Variants in CADM2 observed in about 807,000 individuals in gnomAD.
CADM2 encodes the protein cell adhesion molecule 2, also known as immunoglobulin superfamily member 4D.
In CADM2, 12 loss-of-function variants were observed where a neutral mutation model predicts 49.8. The observed-to-expected ratio is 0.24, with a 90% CI of 0.15 to 0.39. CADM2 has a LOEUF of 0.39. CADM2 is among the 10% of genes least tolerant of loss of function. The pLI is 1.00. For missense variants in CADM2, 378 were observed against 492.3 expected, an observed-to-expected ratio of 0.77 and a Z score of 2.20; for synonymous variants, 214 against 175.4, an observed-to-expected ratio of 1.22 and a Z score of -1.74.
chr3:85,044,693 C>A (rs967663029), intron 1 of CADM2, among the ~76,000 whole-genome samples: 1 of 151,886 alleles, frequency 6.6e-6, no homozygotes, highest in African/African-American at 2.4e-5. Context: ...AGTCAGTTGC[C>A]AAGAAAAAAC....
chr3:84,973,270 C>G (rs1390528078), intron 1 of CADM2, among the ~76,000 whole-genome samples: 1 of 152,144 alleles, frequency 6.6e-6, no homozygotes, highest in Non-Finnish European at 1.5e-5. Context: ...TATCTTTCAA[C>G]AGCAACAGAA....
At chr3:85,320,632 A>C (rs1007609563) in intron 1 of CADM2, among the ~76,000 whole-genome samples, 1 of 152,188 alleles carries the variant, frequency 6.6e-6, no homozygotes, top group African/African-American at 2.4e-5. Context: ...ATTTATATTG[A>C]GACAAAAATA....
At chr3:85,365,317 T>G (rs180772972) in intron 1 of CADM2, among the ~76,000 whole-genome samples, 52 of 151,380 alleles carry the variant, frequency 3.4e-4, no homozygotes, top group Non-Finnish European at 6.9e-4. Flanking sequence ...TTTGCCACCC[T>G]GACTGATACA....
chr3:85,569,269 A>G (rs1375554), intron 1 of CADM2, among the ~76,000 whole-genome samples: 78,018 of 151,876 alleles, frequency 0.51, 23,065 homozygotes, highest in East Asian at 0.85. Flanking sequence ...AAATTGTTGC[A>G]CCTATCAGCG....
intron 3 of CADM2, among the ~76,000 whole-genome samples, chr3:85,881,523 A>G (rs1055521984): frequency 1.3e-5 from 2 of 152,170 alleles, no homozygotes; most frequent in Non-Finnish European, 2.9e-5. Flanking sequence ...TCTAAGAAGC[A>G]GTTGCCCTGT....
chr3:85,328,825 G>A (rs2044828011), intron 1 of CADM2, among the ~76,000 whole-genome samples: 1 of 151,172 alleles, frequency 6.6e-6, no homozygotes, highest in African/African-American at 2.4e-5. Context: ...TATCTAAACT[G>A]GTACAAAATA....
At chr3:85,118,857 C>A (rs2107585862) in intron 1 of CADM2, among the ~76,000 whole-genome samples, 1 of 152,290 alleles carries the variant, frequency 6.6e-6, no homozygotes, top group South Asian at 2.1e-4. Context: ...TCAAGCGATT[C>A]TCCTGCCTCA....
At chr3:85,311,014 T>A (rs2044329915) in intron 1 of CADM2, among the ~76,000 whole-genome samples, 1 of 152,186 alleles carries the variant, frequency 6.6e-6, no homozygotes, top group Non-Finnish European at 1.5e-5. Flanking sequence ...GAGAAAACAC[T>A]GCCAGACATC....
At chr3:85,824,091 A>C (rs951043074) in intron 3 of CADM2, among the ~76,000 whole-genome samples, 7 of 152,176 alleles carry the variant, frequency 4.6e-5, no homozygotes, top group Non-Finnish European at 7.3e-5. Flanking sequence ...TTTTTCACCC[A>C]ATCAAAACGT....
At chr3:85,294,723 A>G (rs1478393085) in intron 1 of CADM2, among the ~76,000 whole-genome samples, 5 of 151,494 alleles carry the variant, frequency 3.3e-5, no homozygotes, top group Admixed American at 6.6e-5. Context: ...GTGCTGGGAA[A>G]ACTGGCTAGC....
At chr3:85,937,171 T>C (rs936268608) in intron 7 of CADM2, among the ~76,000 whole-genome samples, 1 of 151,842 alleles carries the variant, frequency 6.6e-6, no homozygotes, top group Non-Finnish European at 1.5e-5. Context: ...ATTTAAGTAG[T>C]TCATATAACT....
intron 1 of CADM2, among the ~76,000 whole-genome samples, chr3:85,077,148 C>G (rs2036976786): frequency 6.6e-6 from 1 of 152,162 alleles, no homozygotes; most frequent in Admixed American, 6.5e-5. Flanking sequence ...GATCAAAGTG[C>G]TCTTTACCTG....
rs9856305 is a variant in CADM2 at position 85,301,473 on chromosome 3, C to G, written c.61+341805C>G. On this transcript the variant is annotated intron_variant, in intron 1 of 9. Transcript: ENST00000383699. Reference sequence around the variant, plus strand: ...TTTTACTTCCATTTTTTAGGACCTGCTACAATTTGTCTGCGGTGTATGTGT... The same window carrying G: ...TTTTACTTCCATTTTTTAGGACCTGGTACAATTTGTCTGCGGTGTATGTGT... Among the ~76,000 whole-genome samples, 678 of 152,012 alleles carry G rather than the reference C, an allele frequency of 4.5e-3. 4 individuals carry two copies. The highest frequency in any genetic ancestry group is 0.027 in the Middle Eastern group (8 of 294).
At chr3:85,293,130 C>T (rs2043850674) in intron 1 of CADM2, among the ~76,000 whole-genome samples, 1 of 152,136 alleles carries the variant, frequency 6.6e-6, no homozygotes, top group African/African-American at 2.4e-5. Flanking sequence ...CACAGAAATA[C>T]AAACTACCAT....
intron 1 of CADM2, among the ~76,000 whole-genome samples, chr3:85,068,815 T>C (rs2036619976): frequency 6.6e-6 from 1 of 152,046 alleles, no homozygotes; most frequent in African/African-American, 2.4e-5. Flanking sequence ...GTACCTAGCA[T>C]TTGTTCAAAT....
chr3:85,000,715 C>T (rs1434768021), intron 1 of CADM2, among the ~76,000 whole-genome samples: 1 of 151,612 alleles, frequency 6.6e-6, no homozygotes, highest in Non-Finnish European at 1.5e-5. Context: ...TTGCTTTTTT[C>T]AAATACTTTT....
At chr3:85,013,822 A>T (rs2034111279) in intron 1 of CADM2, among the ~76,000 whole-genome samples, 1 of 147,616 alleles carries the variant, frequency 6.8e-6, no homozygotes, top group African/African-American at 2.5e-5. Flanking sequence ...TTTAATTATA[A>T]TTAATTAATA....
chr3:85,206,522 T>C (rs2041641495), intron 1 of CADM2, among the ~76,000 whole-genome samples: 2 of 152,022 alleles, frequency 1.3e-5, no homozygotes, highest in African/African-American at 4.8e-5. Context: ...TTAGCCAGGA[T>C]GGTCTTGATC....
intron 1 of CADM2, among the ~76,000 whole-genome samples, chr3:85,182,726 A>T (rs2040966632): frequency 3.3e-5 from 5 of 152,120 alleles, no homozygotes; most frequent in Admixed American, 3.3e-4. Context: ...TAAATCCAAA[A>T]TTATTTCAAA....
Sources: gnomAD v4.1 joint callset for allele counts (sites outside exome capture counted in the v4.1 genomes callset) on GRCh38, gnomAD v4.1.1 for gene constraint, MANE v1.5 for transcripts, NCBI Gene and HGNC (gene_info 2026-07-23, HGNC 2026-07-21) for gene names.